Variants in CLASP2 observed in about 807,000 individuals in gnomAD.
CLASP2 encodes the protein CLIP-associating protein 2.
In CLASP2, 47 loss-of-function variants were observed where a neutral mutation model predicts 194.4. The ratio of observed to expected loss-of-function variants is 0.24; its 90% confidence interval spans 0.19 to 0.31. The LOEUF is 0.31. Among genes scored for constraint, CLASP2 ranks in the 10% least tolerant of loss-of-function variants. The pLI is 1.00. For missense variants in CLASP2, 1,445 were observed against 1,823.6 expected (o/e 0.79, Z 3.78); for synonymous variants, 619 against 633.5 (o/e 0.98, Z 0.34).
chr3:33,628,495 T>G (rs565624748), intron 9 of CLASP2, among the ~76,000 whole-genome samples: 1 of 152,284 alleles, frequency 6.6e-6, no homozygotes, highest in South Asian at 2.1e-4. Context: ...AAAAGAAGCT[T>G]GAAAACCCAC....
intron 7 of CLASP2, among the ~76,000 whole-genome samples, chr3:33,647,651 A>T (rs2082491512): frequency 6.6e-6 from 1 of 152,234 alleles, no homozygotes; most frequent in Non-Finnish European, 1.5e-5. Flanking sequence ...TTGTGCTTCA[A>T]TAAAATTTTA....
chr3:33,611,546 T>C (rs1221312081), intron 13 of CLASP2, among the ~76,000 whole-genome samples: 6 of 152,214 alleles, frequency 3.9e-5, no homozygotes, highest in Non-Finnish European at 5.9e-5. Context: ...GATAGGGCTA[T>C]ATACTCCGTT....
At chr3:33,574,445 A>G (rs1341359612) in intron 24 of CLASP2, 2 of 1,416,142 alleles carry the variant, frequency 1.4e-6, no homozygotes. Flanking sequence ...TGGTATCATA[A>G]GATGTCAGAA....
intron 34 of CLASP2, among the ~76,000 whole-genome samples, chr3:33,520,250 C>T (rs1380916180): frequency 6.6e-6 from 1 of 152,220 alleles, no homozygotes; most frequent in Non-Finnish European, 1.5e-5. Flanking sequence ...GGGTGATCTG[C>T]CTGCCTCGGC....
chr3:33,631,731 T>C (rs1378992008), intron 9 of CLASP2, among the ~76,000 whole-genome samples: 1 of 151,148 alleles, frequency 6.6e-6, no homozygotes, highest in African/African-American at 2.4e-5. Flanking sequence ...CAGCATGATA[T>C]GGAATAGCCA....
At chr3:33,701,538 G>C (rs941941137) in intron 1 of CLASP2, among the ~76,000 whole-genome samples, 1 of 152,236 alleles carries the variant, frequency 6.6e-6, no homozygotes, top group African/African-American at 2.4e-5. Context: ...TGAAGCTGTA[G>C]TGACCTATGA....
intron 29 of CLASP2, among the ~76,000 whole-genome samples, chr3:33,552,125 T>A (rs2060106360): frequency 6.6e-6 from 1 of 150,544 alleles, no homozygotes; most frequent in Non-Finnish European, 1.5e-5. Context: ...AATTTTTTTT[T>A]TTTTTTTTTT....
At chr3:33,569,508 C>G (rs956255629) in intron 26 of CLASP2, among the ~76,000 whole-genome samples, 5 of 152,084 alleles carry the variant, frequency 3.3e-5, no homozygotes, top group African/African-American at 1.2e-4. Flanking sequence ...CTAAAAATAT[C>G]AACAGTTAAT....
In CLASP2 at chr3:33,718,223, G is replaced by A. The variant is rs1248325465; in HGVS notation, c.-221C>T. On this transcript the variant is annotated 5_prime_UTR_variant, in exon 1 of 39. Coordinates refer to ENST00000682230, the MANE Select transcript of CLASP2 (RefSeq NM_001365631.1). ...CCCCGATCCCCAGCCCGCTTCAGAG[G>A]CCGCGGCCGCGGGCGACGTCAGCAC... 17 of 244,112 alleles carry A rather than the reference G, an allele frequency of 7.0e-5. No homozygotes were observed. The highest frequency in any genetic ancestry group is 5.9e-5 in the Admixed American group (1 of 17,090). The allele number at this position is 244,112 out of a possible 1,614,324, so 15.1% of individuals were successfully genotyped here. A position where few individuals can be genotyped will look rare whatever the true frequency, so the allele number is the denominator to read the frequency against.
At position 33,654,227 on chromosome 3, in the gene CLASP2, T is replaced by G. The variant is rs575883338; in HGVS notation, c.715+9218A>C. On this transcript the variant is annotated intron_variant, in intron 7 of 38. Coordinates refer to ENST00000682230, the MANE Select transcript of CLASP2 (RefSeq NM_001365631.1). Reference sequence around the variant, plus strand: ...GAGCAACTGAAAATCTACGGAATCGTTTTATCAAACTCTTTCCCATCCCTG... The same window carrying G: ...GAGCAACTGAAAATCTACGGAATCGGTTTATCAAACTCTTTCCCATCCCTG... 7.0e-4 allele frequency among the ~76,000 whole-genome samples: 106 copies of G among 152,224 alleles called. 4 individuals are homozygous for G. The South Asian group carries it at 0.021, about 30-fold the overall frequency.
chr3:33,691,689 G>T (rs1007818288), intron 2 of CLASP2, among the ~76,000 whole-genome samples: 7 of 152,158 alleles, frequency 4.6e-5, no homozygotes, highest in African/African-American at 1.7e-4. Context: ...GCTTCTGAAA[G>T]GCAGAAGACA....
Position 33,619,799 on chromosome 3 carries a change from A to G in CLASP2, c.1182-61T>C, listed in dbSNP as rs377086399. The G allele has an allele frequency of 8.9e-5, 117 of 1,312,584 alleles. No homozygotes were observed. The African/African-American group carries it at 1.4e-3, about 16-fold the overall frequency. The allele number at this position is 1,312,584 out of a possible 1,614,324, so 81.3% of individuals were successfully genotyped here. On this transcript the variant is annotated intron_variant, in intron 11 of 38. Transcript: ENST00000682230. ...TAACATTAAATATAGATAGAACCAT[A>G]TAATTTTAAAATACTCTTTTACTGA...
At chr3:33,586,149 C>T (rs1324943246) in intron 21 of CLASP2, among the ~76,000 whole-genome samples, 1 of 151,720 alleles carries the variant, frequency 6.6e-6, no homozygotes, top group Non-Finnish European at 1.5e-5. Flanking sequence ...CTTTTTTCCC[C>T]CCCGAGACAG....
At chr3:33,513,563 C>T (rs67421841) in intron 36 of CLASP2, among the ~76,000 whole-genome samples, 15,138 of 152,172 alleles carry the variant, frequency 0.099, 1,103 homozygotes, top group East Asian at 0.22. Flanking sequence ...CTGCAAAAAT[C>T]CAGATATATT....
At chr3:33,710,771 C>T (rs1203165943) in intron 1 of CLASP2, among the ~76,000 whole-genome samples, 1 of 152,082 alleles carries the variant, frequency 6.6e-6, no homozygotes, top group Non-Finnish European at 1.5e-5. Context: ...CCCGTCTCTA[C>T]TAAAAATACA....
At chr3:33,578,648 A>G (rs1009800235) in intron 23 of CLASP2, among the ~76,000 whole-genome samples, 5 of 152,194 alleles carry the variant, frequency 3.3e-5, no homozygotes, top group African/African-American at 1.2e-4. Context: ...ACTAAAATAC[A>G]TTGTTAGTTT....
intron 6 of CLASP2, among the ~76,000 whole-genome samples, chr3:33,667,106 G>C (rs780832825): frequency 6.6e-6 from 1 of 151,978 alleles, no homozygotes; most frequent in Admixed American, 6.6e-5. Flanking sequence ...GTCAAGATAC[G>C]TGTCTTAGAA....
At chr3:33,524,062 T>C (rs983999355) in intron 34 of CLASP2, among the ~76,000 whole-genome samples, 17 of 151,888 alleles carry the variant, frequency 1.1e-4, no homozygotes, top group Admixed American at 9.2e-4. Flanking sequence ...AGAAAACAAA[T>C]AGCAACATGA....
intron 26 of CLASP2, among the ~76,000 whole-genome samples, chr3:33,569,172 G>A (rs561078794): frequency 2.0e-5 from 3 of 152,320 alleles, no homozygotes; most frequent in African/African-American, 4.8e-5. Context: ...TTCTCCACCT[G>A]TATTAAGAGA....
Sources: allele counts gnomAD v4.1 joint callset (sites outside exome capture counted in the v4.1 genomes callset), GRCh38; gene constraint gnomAD v4.1.1; transcripts MANE v1.5; gene names NCBI Gene and HGNC (gene_info 2026-07-23, HGNC 2026-07-21).